The following ALKBH8 variants were observed in gnomAD, a reference collection of about 807,000 sequenced individuals.
The protein encoded by ALKBH8 is alkB homolog 8, tRNA methyltransferase, also known as tRNA (carboxymethyluridine(34)-5-O)-methyltransferase ALKBH8.
In ALKBH8, 36 loss-of-function variants were observed where a neutral mutation model predicts 59.8. The ratio of observed to expected loss-of-function variants is 0.60; its 90% confidence interval spans 0.46 to 0.79. The LOEUF (loss-of-function observed/expected upper bound fraction) is 0.79. Ranked by LOEUF, ALKBH8 falls within the 30% of genes least tolerant of loss-of-function variation. The pLI is 0.00. For synonymous variants in ALKBH8, 276 were observed against 273.6 expected (o/e 1.01, Z -0.09); for missense variants, 768 against 801.0 (o/e 0.96, Z 0.50).
intron 9 of ALKBH8, among the ~76,000 whole-genome samples, chr11:107,523,977 A>G (rs1863243498): frequency 6.6e-6 from 1 of 152,166 alleles, no homozygotes; most frequent in Non-Finnish European, 1.5e-5. Flanking sequence ...AATTAGCTCA[A>G]TTGAGCCATT....
At position 107,559,955 on chromosome 11, in the gene ALKBH8, T is replaced by A. The variant is rs556702264; in HGVS notation, c.129+810A>T. 2.6e-5 allele frequency among the ~76,000 whole-genome samples: 4 copies of A among 152,238 alleles called. No homozygotes were observed. In the South Asian group the frequency reaches 8.3e-4, roughly 31 times the overall value. ...ATATCTAAAGCTTACTTTCTACTTT[T>A]ATTCTATAACTTTATGAGCCAAAAA... On this transcript the variant is annotated intron_variant, in intron 2 of 11. Transcript: ENST00000428149.
chr11:107,533,214 A>G (rs1450381162), intron 7 of ALKBH8, among the ~76,000 whole-genome samples: 1 of 152,160 alleles, frequency 6.6e-6, no homozygotes, highest in Non-Finnish European at 1.5e-5. Flanking sequence ...ATGAACTTAA[A>G]AGGCTTACTA....
rs1863594718 is a variant in ALKBH8 at position 107,531,551 on chromosome 11, T to C, written c.878+749A>G. On this transcript the variant is annotated intron_variant, in intron 8 of 11. Coordinates refer to ENST00000428149, the MANE Select transcript of ALKBH8 (RefSeq NM_138775.3). ...AAGACTTAAACATAATGTGGGATCATAGACTGAATCCTCGATCAGAAAGAA... is the reference window on the plus strand; with the variant it reads ...AAGACTTAAACATAATGTGGGATCACAGACTGAATCCTCGATCAGAAAGAA... Among the ~76,000 whole-genome samples, 8 of 152,340 alleles carry C rather than the reference T, an allele frequency of 5.3e-5. No individual in the cohort carries two copies. In the South Asian group the frequency reaches 1.2e-3, roughly 24 times the overall value.
chr11:107,542,848 C>T (rs484178), intron 7 of ALKBH8, among the ~76,000 whole-genome samples: 114,175 of 152,006 alleles, frequency 0.75, 44,005 homozygotes, highest in South Asian at 0.85. Context: ...AGGTCGAGGC[C>T]GCAGTGAGCC....
intron 7 of ALKBH8, among the ~76,000 whole-genome samples, chr11:107,546,503 G>T (rs895062681): frequency 2.6e-5 from 4 of 152,098 alleles, no homozygotes; most frequent in African/African-American, 9.7e-5. Context: ...ATTTCCCTAA[G>T]CTCATCCTCA....
intron 10 of ALKBH8, among the ~76,000 whole-genome samples, chr11:107,517,083 G>A (rs998656131): frequency 1.3e-5 from 2 of 152,026 alleles, no homozygotes; most frequent in Admixed American, 6.6e-5. Context: ...TCAAAGAACT[G>A]TATGGCAACA....
intron 11 of ALKBH8, among the ~76,000 whole-genome samples, chr11:107,509,071 T>C (rs1450880774): frequency 3.3e-5 from 5 of 152,198 alleles, no homozygotes; most frequent in Admixed American, 1.3e-4. Flanking sequence ...GTTCAACTTT[T>C]TGAGGAACCA....
At chr11:107,547,735 T>G (rs1303358785) in intron 7 of ALKBH8, among the ~76,000 whole-genome samples, 1 of 152,196 alleles carries the variant, frequency 6.6e-6, no homozygotes, top group Non-Finnish European at 1.5e-5. Context: ...TCACTTACTC[T>G]CAAAGGTATT....
At position 107,504,615 on chromosome 11, in the gene ALKBH8, A is replaced by T. The variant is rs1337927106; in HGVS notation, c.*43T>A. ...TTAATTTATTCTCTCTTTTTTTTTA[A>T]GTGAGCATTTCTTCTTTATATATGA... On this transcript the variant is annotated 3_prime_UTR_variant, in exon 12 of 12. Transcript: ENST00000428149. The T allele has an allele frequency of 6.6e-7, 1 of 1,523,782 alleles. No individual in the cohort carries two copies. The allele number at this position is 1,523,782 out of a possible 1,614,324, so 94.4% of individuals were successfully genotyped here.
chr11:107,550,329 C>T (rs1456096705), intron 6 of ALKBH8, among the ~76,000 whole-genome samples: 4 of 152,188 alleles, frequency 2.6e-5, no homozygotes, highest in Admixed American at 1.3e-4. Context: ...GTAGGAGGGT[C>T]CCTGTCCTCA....
intron 8 of ALKBH8, 37 bp downstream of exon 8, chr11:107,532,263 A>C (rs1193006325): frequency 6.4e-7 from 1 of 1,557,772 alleles, no homozygotes; most frequent in South Asian, 1.2e-5. Flanking sequence ...GAGAAGTCTC[A>C]TAAAGAAAAA....
rs532327456 is a variant in ALKBH8 at position 107,505,211 on chromosome 11, C to A, written c.1442G>T (p.Arg481Leu). ...AATTTCTTGGAGAGCTGCCACTCTACGCTCCTAATGAAAAAAAACAAAACA... is the reference window on the plus strand; with the variant it reads ...AATTTCTTGGAGAGCTGCCACTCTAAGCTCCTAATGAAAAAAAACAAAACA... Reference protein sequence around the residue: ...AVIHHFATAERRVAALQEIVR... With the variant: ...AVIHHFATAELRVAALQEIVR... The change falls in exon 12 of 12, where the codon CGT becomes CTT. Residue 481 changes from arginine (R) to leucine (L), a missense_variant. By Grantham distance (102) the Arg-to-Leu change is moderately radical. Transcript: ENST00000428149. The A allele has an allele frequency of 7.2e-6, 11 of 1,531,070 alleles. No individual in the cohort carries two copies. The highest frequency in any genetic ancestry group is 8.8e-6 in the Non-Finnish European group (10 of 1,137,678). 94.8% of individuals were successfully genotyped at this position (1,531,070 alleles called of 1,614,324 possible).
In ALKBH8 at chr11:107,510,973, C is replaced by T; in HGVS notation, c.1351G>A (p.Val451Ile). 2 of 1,551,924 alleles carry T rather than the reference C, an allele frequency of 1.3e-6. No homozygotes were observed. Among genetic ancestry groups the T allele is most frequent in the Non-Finnish European group, 1.7e-6 (2 of 1,147,002 alleles). The change falls in exon 11 of 12, where the codon GTC (valine) becomes ATC (isoleucine). Residue 451 changes from valine to isoleucine, a missense_variant. Physicochemically the swap from Val to Ile is conservative, Grantham distance 29 (BLOSUM62 3). Coordinates refer to ENST00000428149, the MANE Select transcript of ALKBH8 (RefSeq NM_138775.3). ...ICRERQFQAFVCDALAVPVRS... is the reference protein window; with the variant it reads ...ICRERQFQAFICDALAVPVRS... ...ACTGGTACTGCCAATGCATCACAGA[C>T]AAAAGCCTGAAATTGCCTCTCTCTA...
At chr11:107,517,842 C>CAT (rs1186779423) in intron 10 of ALKBH8, among the ~76,000 whole-genome samples, 1 of 152,270 alleles carries the variant, frequency 6.6e-6, no homozygotes, top group Non-Finnish European at 1.5e-5. Flanking sequence ...ATCTACTGTA[C>CAT]AACATGGTGA....
intron 10 of ALKBH8, among the ~76,000 whole-genome samples, chr11:107,520,478 T>TGAA (rs1863063239): frequency 6.6e-6 from 1 of 152,202 alleles, no homozygotes; most frequent in Admixed American, 6.5e-5. Flanking sequence ...TCGACCTAGT[T>TGAA]TCACTGTCAC....
chr11:107,505,408 G>A (rs1360560618), intron 11 of ALKBH8, among the ~76,000 whole-genome samples, 193 bp from the exon 12 acceptor site: 1 of 152,170 alleles, frequency 6.6e-6, no homozygotes, highest in African/African-American at 2.4e-5. Context: ...GTTCAGGAAG[G>A]AGGAAGTACA....
At chr11:107,519,936 T>A (rs1019368312) in intron 10 of ALKBH8, among the ~76,000 whole-genome samples, 1 of 152,202 alleles carries the variant, frequency 6.6e-6, no homozygotes, top group African/African-American at 2.4e-5. Flanking sequence ...AATGAAATGA[T>A]CTATACTAAA....
At chr11:107,512,339 G>T (rs1311685536) in intron 10 of ALKBH8, among the ~76,000 whole-genome samples, 1 of 151,532 alleles carries the variant, frequency 6.6e-6, no homozygotes, top group Non-Finnish European at 1.5e-5. Context: ...TTTGAGACAG[G>T]GTCTCACTCT....
chr11:107,536,860 G>T (rs1265651422), intron 7 of ALKBH8, among the ~76,000 whole-genome samples: 1 of 152,238 alleles, frequency 6.6e-6, no homozygotes, highest in Non-Finnish European at 1.5e-5. Flanking sequence ...GAGGAATGAA[G>T]GTGTCTAGGC....
Sources: gnomAD v4.1 joint callset for allele counts (sites outside exome capture counted in the v4.1 genomes callset) on GRCh38, gnomAD v4.1.1 for gene constraint, MANE v1.5 for transcripts, NCBI Gene and HGNC (gene_info 2026-07-23, HGNC 2026-07-21) for gene names.